The following ZNF282 variants were observed in gnomAD, a reference collection of about 807,000 sequenced individuals.
ZNF282 encodes the protein zinc finger protein 282.
In ZNF282, 30 loss-of-function variants were observed where a neutral mutation model predicts 61.9. The observed-to-expected ratio is 0.48, with a 90% CI of 0.36 to 0.66. The LOEUF (loss-of-function observed/expected upper bound fraction) is 0.66. ZNF282 is among the 30% of genes least tolerant of loss of function. The pLI, the probability that ZNF282 is intolerant of heterozygous loss-of-function variation, is 0.00. For missense variants in ZNF282, 788 were observed against 941.4 expected (o/e 0.84, Z 2.13); for synonymous variants, 396 against 405.0 (o/e 0.98, Z 0.27).
At chr7:149,205,083 G>GT (rs1257101328) in intron 2 of ZNF282, among the ~76,000 whole-genome samples, 1 of 151,946 alleles carries the variant, frequency 6.6e-6, no homozygotes, top group Non-Finnish European at 1.5e-5. Context: ...AGCCAAGACT[G>GT]TGCCACTGCA....
intron 2 of ZNF282, among the ~76,000 whole-genome samples, chr7:149,201,490 C>T (rs1373678333): frequency 3.3e-5 from 5 of 152,104 alleles, no homozygotes; most frequent in African/African-American, 4.8e-5. Context: ...CGGTGGCTCA[C>T]GCCCATAATC....
rs761773461 is a variant in ZNF282 at position 149,224,595 on chromosome 7, G to GCCCGGGCCCCGGCGC, written c.1968_1982dup (p.Gly657_Pro661dup). 5.7e-6 allele frequency: 9 copies of GCCCGGGCCCCGGCGC among 1,573,164 alleles called. No homozygotes were observed. In the East Asian group the frequency reaches 1.9e-4, roughly 32 times the overall value. On this transcript the variant is annotated inframe_insertion, in exon 8 of 8. Coordinates refer to ENST00000610704, the MANE Select transcript of ZNF282 (RefSeq NM_003575.4). ...GACCACCTGCGCGTGCACAGCGGCG[G>GCCCGGGCCCCGGCGC]CCCGGGCCCCGGCGCCCCACGGCAG...
chr7:149,220,236 G>A (rs968492708), intron 7 of ZNF282, among the ~76,000 whole-genome samples: 6 of 152,030 alleles, frequency 3.9e-5, no homozygotes, highest in Non-Finnish European at 7.4e-5. Context: ...GTGAAACCCC[G>A]TCTCTACTAA....
rs966564499 is a variant in ZNF282, at chr7:149,226,087, C to G, written c.*1440C>G. On this transcript the variant is annotated 3_prime_UTR_variant, in exon 8 of 8. Transcript: ENST00000610704. ...CGAGCGTCCTGCTTCCGCCCTCGCC[C>G]TCATCTACGCTGCTCCGCTTTCCTC... is the stretch of plus-strand genomic sequence containing the variant. 3 of 152,688 alleles carry G rather than the reference C, an allele frequency of 2.0e-5. No individual in the cohort carries two copies. The highest frequency in any genetic ancestry group is 7.2e-5 in the African/African-American group (3 of 41,480). The allele number at this position is 152,688 out of a possible 1,614,324, so 9.5% of individuals were successfully genotyped here.
At position 149,198,799 on chromosome 7, in the gene ZNF282, G is replaced by C. The variant is rs764015258; in HGVS notation, c.585+47G>C. 9 of 1,542,164 alleles carry C rather than the reference G, an allele frequency of 5.8e-6. No individual in the cohort carries two copies. Among genetic ancestry groups the C allele is most frequent in the Non-Finnish European group, 7.0e-6 (8 of 1,148,302 alleles). On this transcript the variant is annotated intron_variant, in intron 2 of 7. Transcript: ENST00000610704. The surrounding 1 kb of genome is among the most constrained non-coding windows in gnomAD (Gnocchi z 4.3). ...AGGGATAGAGGTGAGGAACAGCACA[G>C]GTGCATAAAATTCTTGATTTCATTT...
chr7:149,224,505 CG>C lies in ZNF282; in HGVS notation c.1877del (p.Gly626AlafsTer64). ...QNLLKHQRIH[T>X]GERPYTCGEC... ...CTGCTCAAGCACCAGCGCATCCACA[CG>C]GGCGAGCGCCCCTACACGTGCGGCG... On this transcript the variant is annotated frameshift_variant, in exon 8 of 8. Transcript: ENST00000610704. LOFTEE classifies it high-confidence loss of function. 6.2e-7 allele frequency: 1 copy of C among 1,613,074 alleles called. No individual in the cohort carries two copies. Among genetic ancestry groups the C allele is most frequent in the South Asian group, 1.1e-5 (1 of 91,080 alleles).
intron 2 of ZNF282, among the ~76,000 whole-genome samples, chr7:149,205,267 G>A (rs1244265348): frequency 2.7e-5 from 4 of 150,724 alleles, no homozygotes; most frequent in East Asian, 4.0e-4. Flanking sequence ...GCGAAACCCC[G>A]TCTCTACTAA....
At chr7:149,209,736 C>G (rs1009235033) in intron 4 of ZNF282, among the ~76,000 whole-genome samples, 4 of 152,110 alleles carry the variant, frequency 2.6e-5, no homozygotes, top group African/African-American at 4.8e-5. Context: ...TCTCTCTTTC[C>G]TGGTGCCTGA....
intron 7 of ZNF282, among the ~76,000 whole-genome samples, 196 bp from the exon 8 acceptor site, chr7:149,223,616 G>A (rs144285921): frequency 3.3e-5 from 5 of 152,276 alleles, no homozygotes; most frequent in Non-Finnish European, 5.9e-5. Flanking sequence ...TGCTTGACCC[G>A]TTTCTGGGCT....
Position 149,224,673 on chromosome 7 carries a change from G to T in ZNF282, c.*26G>T. On this transcript the variant is annotated 3_prime_UTR_variant, in exon 8 of 8. Coordinates refer to ENST00000610704, the MANE Select transcript of ZNF282 (RefSeq NM_003575.4). Reference sequence around the variant, plus strand: ...GGCTGGGCTGGGGGAGGGCAGGGCCGGACGGAGTGGATCGGGGGCGGCCTG... The same window carrying T: ...GGCTGGGCTGGGGGAGGGCAGGGCCTGACGGAGTGGATCGGGGGCGGCCTG... 6.8e-7 allele frequency: 1 copy of T among 1,472,226 alleles called. No individual in the cohort carries two copies. Among genetic ancestry groups the T allele is most frequent in the Non-Finnish European group, 9.0e-7 (1 of 1,115,758 alleles). 91.2% of individuals were successfully genotyped at this position (1,472,226 alleles called of 1,614,324 possible).
intron 5 of ZNF282, among the ~76,000 whole-genome samples, chr7:149,211,463 A>T (rs948748416): frequency 4.6e-5 from 7 of 152,116 alleles, no homozygotes; most frequent in Non-Finnish European, 1.0e-4. Context: ...CAGCTGGTTG[A>T]TGAGGCCCGC....
rs1014259894 is a variant in ZNF282, at chr7:149,198,928, C to T, written c.585+176C>T. ...CAACCTGGTCTTGGACGTTCTACCC[C>T]AGCAAGGCTCACTCCATTCATTCCC... On this transcript the variant is annotated intron_variant, in intron 2 of 7. Coordinates refer to ENST00000610704, the MANE Select transcript of ZNF282 (RefSeq NM_003575.4). The surrounding 1 kb of genome is among the most constrained non-coding windows in gnomAD (Gnocchi z 4.3). Among the ~76,000 whole-genome samples the T allele has an allele frequency of 5.9e-5, 9 of 152,250 alleles. No individual in the cohort carries two copies. Among genetic ancestry groups the T allele is most frequent in the Non-Finnish European group, 1.0e-4 (7 of 68,036 alleles).
chr7:149,219,534 TTGG>T (rs1218200759), intron 7 of ZNF282, among the ~76,000 whole-genome samples: 5 of 152,138 alleles, frequency 3.3e-5, no homozygotes, highest in African/African-American at 1.2e-4. Flanking sequence ...TTGGATATTG[TTGG>T]TGATCTCGGC....
chr7:149,199,060 C>T (rs901525978), intron 2 of ZNF282, among the ~76,000 whole-genome samples: 1 of 152,148 alleles, frequency 6.6e-6, no homozygotes, highest in African/African-American at 2.4e-5. Flanking sequence ...CTTGGTTTTC[C>T]CACTTGACAC....
In ZNF282 at chr7:149,201,488, C is replaced by T. The variant is rs147599155; in HGVS notation, c.585+2736C>T. Reference sequence around the variant, plus strand: ...TCCCAAATGGCTGGGCACGGTGGCTCACGCCCATAATCCCAGCACTTTGGA... The same window carrying T: ...TCCCAAATGGCTGGGCACGGTGGCTTACGCCCATAATCCCAGCACTTTGGA... On this transcript the variant is annotated intron_variant, in intron 2 of 7. Coordinates refer to ENST00000610704, the MANE Select transcript of ZNF282 (RefSeq NM_003575.4). Among the ~76,000 whole-genome samples the T allele has an allele frequency of 3.8e-3, 584 of 152,242 alleles. 2 individuals carry two copies. The highest frequency in any genetic ancestry group is 0.013 in the African/African-American group (558 of 41,548).
chr7:149,213,880 G>A lies in ZNF282; in HGVS notation c.1180+66G>A, dbSNP rs915451712. Reference sequence around the variant, plus strand: ...GGAGCTGTACAGCTGAGGCGTGGACGAAGGCTGGTCCTCTTCTCAGCTCAC... The same window carrying A: ...GGAGCTGTACAGCTGAGGCGTGGACAAAGGCTGGTCCTCTTCTCAGCTCAC... On this transcript the variant is annotated intron_variant, in intron 7 of 7. Coordinates refer to ENST00000610704, the MANE Select transcript of ZNF282 (RefSeq NM_003575.4). The A allele has an allele frequency of 6.7e-6, 8 of 1,187,430 alleles. No homozygotes were observed. The Middle Eastern group carries it at 1.0e-3, about 154-fold the overall frequency. The allele number at this position is 1,187,430 out of a possible 1,614,324, so 73.6% of individuals were successfully genotyped here.
intron 7 of ZNF282, among the ~76,000 whole-genome samples, chr7:149,215,398 G>A (rs1193725259): frequency 6.6e-6 from 1 of 151,838 alleles, no homozygotes; most frequent in Non-Finnish European, 1.5e-5. Context: ...AGACGAGGTT[G>A]CACCATGTTG....
At chr7:149,221,362 G>A (rs968117502) in intron 7 of ZNF282, among the ~76,000 whole-genome samples, 1 of 152,206 alleles carries the variant, frequency 6.6e-6, no homozygotes, top group Non-Finnish European at 1.5e-5. Context: ...GGTCAGGAAG[G>A]CAGAAAAAGG....
In ZNF282 at chr7:149,198,252, A is replaced by C; in HGVS notation, c.166-81A>C. 15 of 1,469,234 alleles carry C rather than the reference A, an allele frequency of 1.0e-5. No individual in the cohort carries two copies. The highest frequency in any genetic ancestry group is 1.4e-5 in the Non-Finnish European group (15 of 1,088,622). The allele number at this position is 1,469,234 out of a possible 1,614,324, so 91.0% of individuals were successfully genotyped here. ...GAAAGACGACATGTAGCATCTGATT[A>C]GTTGACCCCTGTTCCCAGCTGACTT... On this transcript the variant is annotated intron_variant, in intron 1 of 7. Transcript: ENST00000610704. This position sits in a 1 kb window ranked among gnomAD's most constrained non-coding sequence, Gnocchi z 4.3.
Sources: allele counts gnomAD v4.1 joint callset (sites outside exome capture counted in the v4.1 genomes callset), GRCh38; gene constraint gnomAD v4.1.1; non-coding constraint Gnocchi (gnomAD v3.1); transcripts MANE v1.5; gene names NCBI Gene and HGNC (gene_info 2026-07-23, HGNC 2026-07-21).